The following ATP5F1A variants were observed in gnomAD, a reference collection of about 807,000 sequenced individuals.
The protein encoded by ATP5F1A is ATP synthase F1 subunit alpha.
A neutral mutation model predicts 57.4 loss-of-function variants in ATP5F1A; 24 were observed. That is an observed-to-expected ratio of 0.42 (90% CI 0.30 to 0.59). ATP5F1A has a LOEUF of 0.59. Among genes scored for constraint, ATP5F1A ranks in the 20% least tolerant of loss-of-function variants. The pLI, the probability that ATP5F1A is intolerant of heterozygous loss-of-function variation, is 0.19. For synonymous variants in ATP5F1A, 251 were observed against 255.5 expected (o/e 0.98, Z 0.17); for missense variants, 494 against 707.9 (o/e 0.70, Z 3.43).
intron 1 of ATP5F1A, among the ~76,000 whole-genome samples, chr18:46,097,524 G>A (rs1488778943): frequency 6.6e-6 from 1 of 152,148 alleles, no homozygotes; most frequent in Non-Finnish European, 1.5e-5. Context: ...CACACACTCT[G>A]CCGGAGAGAC....
In ATP5F1A at chr18:46,089,549, T is replaced by C; in HGVS notation, c.650+17A>G. 6.2e-7 allele frequency: 1 copy of C among 1,609,856 alleles called. No homozygotes were observed. The highest frequency in any genetic ancestry group is 8.5e-7 in the Non-Finnish European group (1 of 1,178,520). ...CAAATTTTAGTTAGAACTTTTAATA[T>C]GCTTTTGAGTCTTTACCCAGTCTGT... On this transcript the variant is annotated intron_variant, in intron 5 of 11. Transcript: ENST00000398752.
chr18:46,100,120 G>A (rs1413322440), upstream of ATP5F1A, among the ~76,000 whole-genome samples: 1 of 151,560 alleles, frequency 6.6e-6, no homozygotes, highest in African/African-American at 2.4e-5. Context: ...GCATGGGGGC[G>A]GGCACCTGTA....
intron 6 of ATP5F1A, chr18:46,087,851 G>A (rs567812395): frequency 1.7e-5 from 8 of 480,352 alleles, no homozygotes; most frequent in Admixed American, 4.0e-5. Flanking sequence ...TCGCACTCCA[G>A]CCTGGGCAAC....
Position 46,086,244 on chromosome 18 carries a change from A to G in ATP5F1A, c.1298T>C (p.Met433Thr). 1 of 1,613,902 alleles carries G rather than the reference A, an allele frequency of 6.2e-7. No homozygotes were observed. Among genetic ancestry groups the G allele is most frequent in the Non-Finnish European group, 8.5e-7 (1 of 1,180,024 alleles). Residue 433 changes from methionine to threonine, a missense_variant, in exon 10 of 12, where the codon ATG (methionine) becomes ACG (threonine). Around this residue, in one of 6 missense-constraint regions of ATP5F1A, gnomAD observed 127 missense variants for 195.2 expected, o/e 0.65. Transcript: ENST00000398752. ...ACGATACTGAGCCAATTCCAGCTTCATGGTACCTGCTACCTGCAATACAGA... is the reference window on the plus strand; with the variant it reads ...ACGATACTGAGCCAATTCCAGCTTCGTGGTACCTGCTACCTGCAATACAGA... ...TRAMKQVAGT[M>T]KLELAQYREV...
intron 1 of ATP5F1A, among the ~76,000 whole-genome samples, chr18:46,096,050 G>A (rs988511962): frequency 2.0e-5 from 3 of 151,670 alleles, no homozygotes; most frequent in Non-Finnish European, 2.9e-5. Context: ...CACCATGCCC[G>A]GCTAATTTTT....
chr18:46,080,405 G>A lies in ATP5F1A; in HGVS notation c.*3877C>T, dbSNP rs1227347184. The A allele has an allele frequency of 6.6e-6, 1 of 152,130 alleles. No individual in the cohort carries two copies. The highest frequency in any genetic ancestry group is 2.4e-5 in the African/African-American group (1 of 41,422). The allele number at this position is 152,130 out of a possible 1,614,324, so 9.4% of individuals were successfully genotyped here. A position where few individuals can be genotyped will look rare whatever the true frequency, so the allele number is the denominator to read the frequency against. On this transcript the variant is annotated 3_prime_UTR_variant, in exon 12 of 12. Coordinates refer to ENST00000398752, the MANE Select transcript of ATP5F1A (RefSeq NM_004046.6). The stretch of plus-strand genomic sequence containing the variant: ...CAGCCATTTTGTTGCCACACAGAAG[G>A]GCCACTTGGGCAGTGTATTTAGGCC...
intron 10 of ATP5F1A, 45 bp downstream of exon 10, chr18:46,086,068 G>C (rs373027153): frequency 1.9e-6 from 3 of 1,596,566 alleles, no homozygotes; most frequent in African/African-American, 1.3e-5. Flanking sequence ...GGAAGACCCT[G>C]ATACACAATA....
Position 46,088,134 on chromosome 18 carries a change from C to A in ATP5F1A, c.774G>T (p.Gln258His), listed in dbSNP as rs779730876. ...AIGQKRSTVA[Q>H]LVKRLTDADA... is the part of the protein sequence containing the mutation. ...CTGCATCTGTAAGTCTCTTCACCAA[C>A]TGGGCAACAGTGGATCTCTTTTGAC... The change falls in exon 6 of 12, where the codon CAG becomes CAT. Residue 258 changes from glutamine (Q) to histidine (H), a missense_variant. By Grantham distance (24) the Gln-to-His change is conservative (BLOSUM62 0). This residue lies in a region of ATP5F1A where 191 missense variants were observed against 267.7 expected (regional missense o/e 0.71). Coordinates refer to ENST00000398752, the MANE Select transcript of ATP5F1A (RefSeq NM_004046.6). 1.3e-6 allele frequency: 2 copies of A among 1,598,396 alleles called. No homozygotes were observed. The highest frequency in any genetic ancestry group is 1.7e-6 in the Non-Finnish European group (2 of 1,177,028).
intron 2 of ATP5F1A, among the ~76,000 whole-genome samples, chr18:46,092,467 C>T (rs931657808): frequency 3.3e-5 from 5 of 150,382 alleles, no homozygotes; most frequent in Admixed American, 6.6e-5. Flanking sequence ...AAAAAATTAG[C>T]TGGGCACGGG....
chr18:46,091,773 C>G lies in ATP5F1A; in HGVS notation c.218G>C (p.Arg73Pro). Residue 73 changes from arginine (R) to proline (P), a missense_variant, in exon 3 of 12, where the codon CGT (arginine) becomes CCT (proline). Physicochemically the swap from Arg to Pro is moderately radical, Grantham distance 103. Coordinates refer to ENST00000398752, the MANE Select transcript of ATP5F1A (RefSeq NM_004046.6). ...AATACCATCACCAATACTTAAGACACGCCCAGTTTCTTCAAGATCAACAGA... is the reference window on the plus strand; with the variant it reads ...AATACCATCACCAATACTTAAGACAGGCCCAGTTTCTTCAAGATCAACAGA... ...DTSVDLEETG[R>P]VLSIGDGIAR... The G allele has an allele frequency of 6.2e-7, 1 of 1,613,932 alleles. No homozygotes were observed. Among genetic ancestry groups the G allele is most frequent in the East Asian group, 2.2e-5 (1 of 44,860 alleles).
chr18:46,095,669 T>C (rs1407836009), intron 1 of ATP5F1A, among the ~76,000 whole-genome samples: 1 of 151,710 alleles, frequency 6.6e-6, no homozygotes, highest in African/African-American at 2.4e-5. Context: ...CAGGTCGGAG[T>C]GCAGTGGCTC....
chr18:46,093,901 G>A (rs1277487109), intron 2 of ATP5F1A, among the ~76,000 whole-genome samples: 1 of 152,020 alleles, frequency 6.6e-6, no homozygotes, highest in African/African-American at 2.4e-5. Flanking sequence ...GAGGTCAGGA[G>A]TTCGAGACCA....
chr18:46,103,523 C>T lies in ATP5F1A; in HGVS notation c.-49+614G>A, dbSNP rs189583276. Among the ~76,000 whole-genome samples the T allele has an allele frequency of 4.5e-3, 678 of 150,468 alleles. 4 individuals carry two copies. The highest frequency in any genetic ancestry group is 7.6e-3 in the Non-Finnish European group (514 of 67,796). Reference sequence around the variant, plus strand: ...GGCTGAGGCAGGAGAATCGCTTGAACCCGGGAAGCAGAGGTGGCAGTGAGC... The same window carrying T: ...GGCTGAGGCAGGAGAATCGCTTGAATCCGGGAAGCAGAGGTGGCAGTGAGC... On this transcript the variant is annotated intron_variant, in intron 1 of 12. Transcript: ENST00000282050.
chr18:46,097,310 G>T (rs1184469753), intron 1 of ATP5F1A, among the ~76,000 whole-genome samples: 1 of 151,494 alleles, frequency 6.6e-6, no homozygotes, highest in East Asian at 1.9e-4. Flanking sequence ...ATTACTTTTA[G>T]AACAAAAAAA....
At position 46,098,276 on chromosome 18, in the gene ATP5F1A, C is replaced by G. The variant is rs1472774542; in HGVS notation, c.-45G>C. On this transcript the variant is annotated 5_prime_UTR_variant, in exon 1 of 12. Coordinates refer to ENST00000398752, the MANE Select transcript of ATP5F1A (RefSeq NM_004046.6). ...GCGGTACTTCTGCAGCCGCAGCCTC[C>G]GGACTGACTGGGACAAAATGGCCGA... The G allele has an allele frequency of 6.3e-7, 1 of 1,577,224 alleles. No individual in the cohort carries two copies. Among genetic ancestry groups the G allele is most frequent in the Non-Finnish European group, 8.6e-7 (1 of 1,165,234 alleles).
chr18:46,091,799 G>A lies in ATP5F1A; in HGVS notation c.192C>T (p.Thr64=), dbSNP rs1215210115. Residue 64 remains threonine, a synonymous_variant, in exon 3 of 12, where the codon ACC becomes ACT. Coordinates refer to ENST00000398752, the MANE Select transcript of ATP5F1A (RefSeq NM_004046.6). Reference sequence around the variant, plus strand: ...GCCCAGTTTCTTCAAGATCAACAGAGGTATCAGCTCCAAGAATACGCTCTT... The same window carrying A: ...GCCCAGTTTCTTCAAGATCAACAGAAGTATCAGCTCCAAGAATACGCTCTT... ...ILEERILGAD[T]SVDLEETGRV... 6.2e-7 allele frequency: 1 copy of A among 1,613,764 alleles called. No individual in the cohort carries two copies. The highest frequency in any genetic ancestry group is 1.1e-5 in the South Asian group (1 of 91,052).
chr18:46,089,196 C>G (rs1910359216), intron 5 of ATP5F1A, among the ~76,000 whole-genome samples: 1 of 152,148 alleles, frequency 6.6e-6, no homozygotes, highest in Non-Finnish European at 1.5e-5. Flanking sequence ...CCTGGGCCCA[C>G]TGTTCTTTCT....
chr18:46,084,047 C>T lies in ATP5F1A; in HGVS notation c.*235G>A, dbSNP rs1263267614. On this transcript the variant is annotated 3_prime_UTR_variant, in exon 12 of 12. Transcript: ENST00000398752. ...GCCTTGAATTATCTAGCCCAGTTGA[C>T]TGTACCAATATTCAAGTAAAATAGA... The T allele has an allele frequency of 2.6e-6, 1 of 380,882 alleles. No individual in the cohort carries two copies. Among genetic ancestry groups the T allele is most frequent in the South Asian group, 5.5e-5 (1 of 18,158 alleles). The allele number at this position is 380,882 out of a possible 1,614,324, so 23.6% of individuals were successfully genotyped here.
At chr18:46,104,161 C>G (rs1568259991) in exon 1 of ATP5F1A, 1 of 397,802 alleles carries the variant, frequency 2.5e-6, no homozygotes, top group Non-Finnish European at 4.5e-6. Context: ...CTCTATCTCT[C>G]GTAGTGTTGA....
Sources: allele counts gnomAD v4.1 joint callset (sites outside exome capture counted in the v4.1 genomes callset), GRCh38; gene constraint gnomAD v4.1.1; regional missense constraint gnomAD v4.1.1; transcripts MANE v1.5; gene names NCBI Gene and HGNC (gene_info 2026-07-23, HGNC 2026-07-21).